Variants in TOM1L1 observed in about 807,000 individuals in gnomAD.
TOM1L1 encodes the protein TOM1-like protein 1.
A neutral mutation model predicts 63.4 loss-of-function variants in TOM1L1; 64 were observed. That is an observed-to-expected ratio of 1.01 (90% CI 0.83 to 1.24). The LOEUF is 1.24. Among genes scored for constraint, TOM1L1 ranks in the 50% most tolerant of loss-of-function variants. The pLI, the probability that TOM1L1 is intolerant of heterozygous loss-of-function variation, is 0.00. For synonymous variants in TOM1L1, 166 were observed against 194.4 expected (o/e 0.85, Z 1.22); for missense variants, 536 against 567.0 (o/e 0.95, Z 0.55).
chr17:54,948,083 T>C (rs2049149464), intron 12 of TOM1L1, among the ~76,000 whole-genome samples: 1 of 151,872 alleles, frequency 6.6e-6, no homozygotes, highest in African/African-American at 2.4e-5. Context: ...TTTTTACTTT[T>C]ACTTTTGCCT....
chr17:54,918,631 C>T (rs2048630721), intron 7 of TOM1L1, among the ~76,000 whole-genome samples: 1 of 152,106 alleles, frequency 6.6e-6, no homozygotes, highest in South Asian at 2.1e-4. Flanking sequence ...TAGAAAAATC[C>T]TCTGGTGGTG....
intron 14 of TOM1L1, among the ~76,000 whole-genome samples, chr17:54,960,355 ACT>A (rs755399558): frequency 8.6e-5 from 13 of 152,040 alleles, no homozygotes; most frequent in Non-Finnish European, 1.5e-4. Flanking sequence ...AAAGAGTGAG[ACT>A]CTGTCTCAAA....
rs373776855 is a variant in TOM1L1 at position 54,930,129 on chromosome 17, G to A, written c.777G>A (p.Val259=). 2 of 1,614,084 alleles carry A rather than the reference G, an allele frequency of 1.2e-6. No homozygotes were observed. The highest frequency in any genetic ancestry group is 1.1e-5 in the South Asian group (1 of 91,068). Residue 259 remains valine, a synonymous_variant, in exon 8 of 16, where the codon GTG becomes GTA. Transcript: ENST00000575882. Reference sequence around the variant, plus strand: ...AGAGGATCATGGACCTGCTTGTGGTGGTGGAGAACGAAGATGTAACTGTTG... The same window carrying A: ...AGAGGATCATGGACCTGCTTGTGGTAGTGGAGAACGAAGATGTAACTGTTG... The part of the protein sequence containing the change: ...MQERIMDLLV[V]VENEDVTVEL...
At chr17:54,902,018 T>C (rs1597994112) in intron 1 of TOM1L1, among the ~76,000 whole-genome samples, 2 of 152,144 alleles carry the variant, frequency 1.3e-5, no homozygotes, top group African/African-American at 4.8e-5. Context: ...AAACATGGAC[T>C]AACTGTCAGC....
At chr17:54,920,544 C>T (rs1343109713) in intron 7 of TOM1L1, among the ~76,000 whole-genome samples, 1 of 152,142 alleles carries the variant, frequency 6.6e-6, no homozygotes, top group East Asian at 1.9e-4. Flanking sequence ...GGGATCAGAC[C>T]AGCTCAGAGC....
chr17:54,925,666 G>A (rs2048756482), intron 7 of TOM1L1, among the ~76,000 whole-genome samples: 1 of 152,194 alleles, frequency 6.6e-6, no homozygotes, highest in East Asian at 1.9e-4. Flanking sequence ...CACTTTGGGA[G>A]GCCAAGGTGG....
intron 1 of TOM1L1, 193 bp downstream of exon 1, chr17:54,901,116 T>G (rs1434871589): frequency 7.0e-6 from 5 of 711,578 alleles, no homozygotes; most frequent in Non-Finnish European, 7.0e-6. Context: ...GCCAACTCAC[T>G]GTAGAACCTC....
rs116643872 is a variant in TOM1L1 at position 54,957,034 on chromosome 17, T to C, written c.1371-3532T>C. 9.4e-3 allele frequency: 1,432 copies of C among 152,364 alleles called. 28 individuals are homozygous for C. The highest frequency in any genetic ancestry group is 0.033 in the African/African-American group (1,354 of 41,566). The allele number at this position is 152,364 out of a possible 1,614,324, so 9.4% of individuals were successfully genotyped here. On this transcript the variant is annotated intron_variant, in intron 14 of 15. Coordinates refer to ENST00000575882, the MANE Select transcript of TOM1L1 (RefSeq NM_005486.3). ...ATCTGTAAATTGCTGAGGTCTGTCA[T>C]GAACTGGTTTAAACCAGCTAGCTGG...
intron 11 of TOM1L1, among the ~76,000 whole-genome samples, chr17:54,946,128 A>G (rs11869726): frequency 0.29 from 44,759 of 152,034 alleles, 6,917 homozygotes; most frequent in African/African-American, 0.35. Context: ...TGCCATTCAA[A>G]TATGTCTCAT....
Position 54,900,904 on chromosome 17 carries a change from C to T in TOM1L1, c.39C>T (p.Thr13=), listed in dbSNP as rs532840089. Residue 13 remains threonine, a synonymous_variant, in exon 1 of 16, where the codon ACC becomes ACT. Transcript: ENST00000575882. ...AGAGTCACCGGGATCCCTACGCGAC[C>T]TCCGTGGGCCACCTCATAGGTAAGG... ...FGKSHRDPYA[T]SVGHLIEKAT... 2.5e-5 allele frequency: 40 copies of T among 1,613,954 alleles called. No homozygotes were observed. The highest frequency in any genetic ancestry group is 3.2e-5 in the Non-Finnish European group (38 of 1,180,026).
chr17:54,915,694 G>A (rs569905410), intron 6 of TOM1L1, 52 bp from the exon 7 acceptor site: 1 of 1,264,312 alleles, frequency 7.9e-7, no homozygotes, highest in African/African-American at 1.5e-5. Flanking sequence ...AGGAAACAAG[G>A]TAGTTATTCT....
intron 2 of TOM1L1, 33 bp downstream of exon 2, chr17:54,903,825 C>T: frequency 6.3e-7 from 1 of 1,582,198 alleles, no homozygotes; most frequent in East Asian, 2.2e-5. Context: ...GTATTTGCCT[C>T]TGACAAGAAG....
chr17:54,931,956 T>TTTTTTTTG (rs1555610419), intron 8 of TOM1L1, among the ~76,000 whole-genome samples: 2 of 130,232 alleles, frequency 1.5e-5, no homozygotes, highest in African/African-American at 6.1e-5. Context: ...TTCGTTTTTT[T>TTTTTTTTG]TTTGTTTGTT....
At chr17:54,937,594 G>C (rs4794548) in intron 10 of TOM1L1, 20,195 of 172,912 alleles carry the variant, frequency 0.12, 1,632 homozygotes, top group East Asian at 0.29. Context: ...GAGTATCTCT[G>C]ATGCAAGCGG....
At chr17:54,914,891 G>A in intron 6 of TOM1L1, 148 bp downstream of exon 6, 1 of 687,606 alleles carries the variant, frequency 1.5e-6, no homozygotes, top group Non-Finnish European at 2.6e-6. Flanking sequence ...AATACTATGT[G>A]ACTTACCATA....
chr17:54,954,651 C>A (rs188029529), intron 14 of TOM1L1: 1 of 152,338 alleles, frequency 6.6e-6, no homozygotes, highest in Admixed American at 6.5e-5. Context: ...AGTTAGAGGG[C>A]CTCACTTCTC....
chr17:54,943,406 A>C (rs951251921), intron 11 of TOM1L1, among the ~76,000 whole-genome samples: 9 of 122,278 alleles, frequency 7.4e-5, no homozygotes, highest in African/African-American at 2.9e-4. Context: ...GCTCCATTTT[A>C]GTTTATTGTG....
chr17:54,958,823 A>C (rs1231347796), intron 14 of TOM1L1, among the ~76,000 whole-genome samples: 1 of 151,866 alleles, frequency 6.6e-6, no homozygotes. Flanking sequence ...TACTTTGTAT[A>C]AAATGGGAGA....
intron 3 of TOM1L1, 115 bp downstream of exon 3, chr17:54,905,682 A>G (rs758538163): frequency 5.3e-5 from 35 of 665,412 alleles, no homozygotes; most frequent in Admixed American, 8.6e-5. Flanking sequence ...TAGGTTAGCT[A>G]GGAGTTGTGT....
Sources: allele counts gnomAD v4.1 joint callset (sites outside exome capture counted in the v4.1 genomes callset), GRCh38; gene constraint gnomAD v4.1.1; transcripts MANE v1.5; gene names NCBI Gene and HGNC (gene_info 2026-07-23, HGNC 2026-07-21).